The following ROBO2 variants were observed in gnomAD, a reference collection of about 807,000 sequenced individuals.
The protein encoded by ROBO2 is roundabout guidance receptor 2.
Under a neutral mutation model 160.8 loss-of-function variants are expected in ROBO2, and 53 were observed. The ratio of observed to expected loss-of-function variants is 0.33; its 90% CI spans 0.26 to 0.41. The LOEUF is 0.41. Among genes scored for constraint, ROBO2 ranks in the 10% least tolerant of loss-of-function variants. The pLI is 1.00. For synonymous variants in ROBO2, 664 were observed against 611.7 expected (o/e 1.09, Z -1.26); for missense variants, 1,577 against 1,722.4 (o/e 0.92, Z 1.49).
chr3:77,149,367 A>G (rs1047322071), intron 2 of ROBO2, among the ~76,000 whole-genome samples: 14 of 152,050 alleles, frequency 9.2e-5, no homozygotes, highest in African/African-American at 3.4e-4. Context: ...TCGCAAACAT[A>G]TGTGTGAAGA....
At chr3:76,082,888 A>C (rs2108038148) in intron 2 of ROBO2, among the ~76,000 whole-genome samples, 1 of 152,090 alleles carries the variant, frequency 6.6e-6, no homozygotes, top group Admixed American at 6.6e-5. Context: ...TCAAAATGTG[A>C]GCTGATGAAG....
intron 2 of ROBO2, among the ~76,000 whole-genome samples, chr3:76,988,565 C>T (rs2060506458): frequency 6.6e-6 from 1 of 152,006 alleles, no homozygotes; most frequent in South Asian, 2.1e-4. Flanking sequence ...TTTGGTTCAT[C>T]CTCCTTTCAT....
chr3:76,496,727 T>A (rs967881885), intron 2 of ROBO2, among the ~76,000 whole-genome samples: 4 of 152,196 alleles, frequency 2.6e-5, no homozygotes, highest in African/African-American at 9.6e-5. Flanking sequence ...TAGAGTTTTT[T>A]AATTTCTCTA....
chr3:77,194,305 G>A (rs140741016), intron 2 of ROBO2, among the ~76,000 whole-genome samples: 37 of 152,132 alleles, frequency 2.4e-4, no homozygotes, highest in African/African-American at 8.2e-4. Flanking sequence ...ATGCCTAGTT[G>A]TCCTGTGGTC....
intron 2 of ROBO2, among the ~76,000 whole-genome samples, chr3:77,151,276 T>C (rs765997610): frequency 5.3e-4 from 80 of 152,132 alleles, no homozygotes; most frequent in Non-Finnish European, 7.4e-5. Flanking sequence ...AAAAATAGAA[T>C]ACAAATATTT....
At chr3:75,908,609 C>A (rs929751472) in intron 1 of ROBO2, among the ~76,000 whole-genome samples, 4 of 152,076 alleles carry the variant, frequency 2.6e-5, no homozygotes, top group African/African-American at 9.7e-5. Context: ...AAGTTTAGTT[C>A]TTTACCCAAA....
At chr3:75,944,516 TA>T (rs113015093) in intron 2 of ROBO2, among the ~76,000 whole-genome samples, 3 of 151,300 alleles carry the variant, frequency 2.0e-5, no homozygotes, top group South Asian at 2.1e-4. Flanking sequence ...TCCAAGGACT[TA>T]AAAAAAAACC....
chr3:76,484,868 T>C (rs1426893966), intron 2 of ROBO2, among the ~76,000 whole-genome samples: 1 of 152,134 alleles, frequency 6.6e-6, no homozygotes, highest in Non-Finnish European at 1.5e-5. Flanking sequence ...CTAATATTGA[T>C]TATAAAACCC....
chr3:77,461,255 T>G (rs2153571488), intron 2 of ROBO2, among the ~76,000 whole-genome samples: 1 of 152,172 alleles, frequency 6.6e-6, no homozygotes, highest in African/African-American at 2.4e-5. Flanking sequence ...AATAAAACAT[T>G]CTTTTTTCTT....
intron 2 of ROBO2, among the ~76,000 whole-genome samples, chr3:76,824,239 G>A (rs967332431): frequency 6.6e-6 from 1 of 152,168 alleles, no homozygotes; most frequent in Admixed American, 6.5e-5. Flanking sequence ...TTGTTCTTGT[G>A]GCCATACATA....
Position 76,354,616 on chromosome 3 carries a change from C to T in ROBO2, c.109+417014C>T, listed in dbSNP as rs112533865. On this transcript the variant is annotated intron_variant, in intron 2 of 26. Transcript: ENST00000487694. Reference sequence around the variant, plus strand: ...AATATATTAAACCCTAATTTCCATTCTAATATCAAGTGAAAAAAATCATCT... The same window carrying T: ...AATATATTAAACCCTAATTTCCATTTTAATATCAAGTGAAAAAAATCATCT... Among the ~76,000 whole-genome samples, 748 of 151,814 alleles carry T rather than the reference C, an allele frequency of 4.9e-3. 7 individuals carry two copies. Among genetic ancestry groups the T allele is most frequent in the African/African-American group, 0.017 (713 of 41,442 alleles).
At chr3:76,129,564 A>G (rs1403047735) in intron 2 of ROBO2, among the ~76,000 whole-genome samples, 1 of 152,170 alleles carries the variant, frequency 6.6e-6, no homozygotes, top group African/African-American at 2.4e-5. Flanking sequence ...CTAAGTTTAG[A>G]AAAGAGAGCT....
intron 2 of ROBO2, among the ~76,000 whole-genome samples, chr3:77,302,833 C>T (rs1002251044): frequency 1.3e-5 from 2 of 152,044 alleles, no homozygotes; most frequent in African/African-American, 2.4e-5. Flanking sequence ...AGAAAATGGC[C>T]GAGGAAATTT....
intron 2 of ROBO2, among the ~76,000 whole-genome samples, chr3:76,226,225 G>C (rs1172177838): frequency 6.6e-6 from 1 of 152,140 alleles, no homozygotes; most frequent in Non-Finnish European, 1.5e-5. Context: ...AGGCAAATAA[G>C]TGTCATAACA....
intron 2 of ROBO2, among the ~76,000 whole-genome samples, chr3:76,467,677 A>C (rs148894453): frequency 6.6e-6 from 1 of 152,220 alleles, no homozygotes; most frequent in African/African-American, 2.4e-5. Flanking sequence ...GGAGGAAGGA[A>C]GCCTGAAGTA....
intron 2 of ROBO2, among the ~76,000 whole-genome samples, chr3:76,186,163 G>A (rs930564563): frequency 1.3e-5 from 2 of 151,772 alleles, no homozygotes. Flanking sequence ...AAAATCCTGA[G>A]CTCAACCAAT....
intron 2 of ROBO2, among the ~76,000 whole-genome samples, chr3:77,181,850 G>A (rs1560180057): frequency 6.6e-6 from 1 of 151,850 alleles, no homozygotes; most frequent in Non-Finnish European, 1.5e-5. Flanking sequence ...ACATATTTTT[G>A]CACCAAGTCC....
chr3:76,830,195 C>T (rs1353527598), intron 2 of ROBO2, among the ~76,000 whole-genome samples: 1 of 152,080 alleles, frequency 6.6e-6, no homozygotes, highest in Non-Finnish European at 1.5e-5. Flanking sequence ...CTATTCTTTC[C>T]TTATTGGCCT....
chr3:77,510,405 G>A (rs2089240057), intron 5 of ROBO2, among the ~76,000 whole-genome samples: 1 of 151,958 alleles, frequency 6.6e-6, no homozygotes, highest in South Asian at 2.1e-4. Context: ...GAATAAGTGA[G>A]GAAGACACAA....
Sources: allele counts gnomAD v4.1 joint callset (sites outside exome capture counted in the v4.1 genomes callset), GRCh38; gene constraint gnomAD v4.1.1; transcripts MANE v1.5; gene names NCBI Gene and HGNC (gene_info 2026-07-23, HGNC 2026-07-21).